SMCHD1: variants seen among roughly 807,000 people sequenced by gnomAD.
SMCHD1 encodes structural maintenance of chromosomes flexible hinge domain containing 1.
A neutral mutation model predicts 254.7 loss-of-function variants in SMCHD1; 78 were observed. The ratio of observed to expected loss-of-function variants is 0.31; its 90% CI spans 0.26 to 0.37. The LOEUF (loss-of-function observed/expected upper bound fraction) is 0.37. SMCHD1 is among the 10% of genes least tolerant of loss of function. The probability of loss-of-function intolerance (pLI) is 1.00; values close to 1 mark genes in which losing one functional copy is unlikely to be tolerated. For missense variants in SMCHD1, 1,840 were observed against 2,408.1 expected (o/e 0.76, Z 4.94); for synonymous variants, 766 against 794.9 (o/e 0.96, Z 0.61).
chr18:2,748,342 T>TTGTGTG (rs1199860810), intron 30 of SMCHD1, among the ~76,000 whole-genome samples: 1,079 of 78,290 alleles, frequency 0.014, 42 homozygotes, highest in African/African-American at 0.028. Context: ...CTTTGCAAAG[T>TTGTGTG]TGTGTGTGTG....
chr18:2,729,422 T>C lies in SMCHD1; in HGVS notation c.3048+13T>C, dbSNP rs200828139. On this transcript the variant is annotated intron_variant, in intron 24 of 47. Coordinates refer to ENST00000320876, the MANE Select transcript of SMCHD1 (RefSeq NM_015295.3). Reference sequence around the variant, plus strand: ...AATTGAAATACCTGTAAGTTATTATTGTTACTCATTGATATTATATTGAGT... The same window carrying C: ...AATTGAAATACCTGTAAGTTATTATCGTTACTCATTGATATTATATTGAGT... The C allele has an allele frequency of 6.7e-7, 1 of 1,494,304 alleles. No individual in the cohort carries two copies. The highest frequency in any genetic ancestry group is 2.6e-5 in the Admixed American group (1 of 38,294). 92.6% of individuals were successfully genotyped at this position (1,494,304 alleles called of 1,614,324 possible). A position where few individuals can be genotyped will look rare whatever the true frequency, so the allele number is the denominator to read the frequency against.
At chr18:2,762,722 A>G (rs1024251767) in intron 36 of SMCHD1, among the ~76,000 whole-genome samples, 1 of 151,964 alleles carries the variant, frequency 6.6e-6, no homozygotes, top group East Asian at 1.9e-4. Context: ...TCCTGACCTC[A>G]TGTTATCCTC....
intron 1 of SMCHD1, among the ~76,000 whole-genome samples, chr18:2,662,966 C>T (rs1350386466): frequency 6.6e-6 from 1 of 152,116 alleles, no homozygotes; most frequent in East Asian, 1.9e-4. Flanking sequence ...ACCTATTTCT[C>T]TGTACAGAGG....
At chr18:2,768,658 A>G (rs2075915944) in intron 37 of SMCHD1, among the ~76,000 whole-genome samples, 1 of 150,546 alleles carries the variant, frequency 6.6e-6, no homozygotes, top group African/African-American at 2.4e-5. Context: ...AGTATATAGT[A>G]TAGTATATAG....
At chr18:2,764,535 C>G (rs909230363) in intron 37 of SMCHD1, among the ~76,000 whole-genome samples, 1 of 152,138 alleles carries the variant, frequency 6.6e-6, no homozygotes, top group African/African-American at 2.4e-5. Flanking sequence ...TAGCTTTCTT[C>G]TATGTATAGT....
chr18:2,771,622 C>T lies in SMCHD1; in HGVS notation c.5052+4C>T, dbSNP rs775767403. The T allele has an allele frequency of 6.6e-7, 1 of 1,526,150 alleles. No individual in the cohort carries two copies. The highest frequency in any genetic ancestry group is 8.7e-7 in the Non-Finnish European group (1 of 1,147,306). The allele number at this position is 1,526,150 out of a possible 1,614,324, so 94.5% of individuals were successfully genotyped here. A position where few individuals can be genotyped will look rare whatever the true frequency, so the allele number is the denominator to read the frequency against. On this transcript the variant is annotated splice_donor_region_variant and intron_variant, in intron 40 of 47. Coordinates refer to ENST00000320876, the MANE Select transcript of SMCHD1 (RefSeq NM_015295.3). ...TGACATTCCTACAACACAACAGGTA[C>T]AGCTTCCAACTATACGTGAAAGATT... is the stretch of plus-strand genomic sequence containing the variant.
intron 2 of SMCHD1, among the ~76,000 whole-genome samples, chr18:2,666,553 C>T (rs1598283632): frequency 6.6e-6 from 1 of 152,144 alleles, no homozygotes; most frequent in East Asian, 1.9e-4. Context: ...CCAAGACCTG[C>T]TGGTTTTTCA....
At chr18:2,758,007 GAAA>G (rs1223915589) in intron 34 of SMCHD1, among the ~76,000 whole-genome samples, 1 of 152,028 alleles carries the variant, frequency 6.6e-6, no homozygotes, top group Non-Finnish European at 1.5e-5. Flanking sequence ...TGAATGACAT[GAAA>G]AAGCCACTTT....
At chr18:2,787,310 A>G (rs1380308973) in intron 45 of SMCHD1, among the ~76,000 whole-genome samples, 1 of 152,156 alleles carries the variant, frequency 6.6e-6, no homozygotes, top group Non-Finnish European at 1.5e-5. Flanking sequence ...TCATGACCCC[A>G]ACATTAGGCC....
intron 24 of SMCHD1, 39 bp from the exon 25 acceptor site, chr18:2,732,226 C>T (rs2075155060): frequency 4.0e-6 from 6 of 1,500,072 alleles, no homozygotes; most frequent in South Asian, 1.2e-5. Context: ...AATTTCAGTA[C>T]AGATATCACT....
In SMCHD1 at chr18:2,777,857, T is replaced by G. The variant is rs2076092846; in HGVS notation, c.5418T>G (p.Asp1806Glu). Residue 1806 changes from aspartate to glutamate, a missense_variant, in exon 43 of 48, where the codon GAT (aspartate) becomes GAG (glutamate). Physicochemically the swap from Asp to Glu is conservative, Grantham distance 45 (BLOSUM62 2). Around this residue, in one of 9 missense-constraint regions of SMCHD1, gnomAD observed 114 missense variants for 217.6 expected, o/e 0.52. Transcript: ENST00000320876. ...AATTGTATTTTAAACCCATTGGAGA[T>G]CCAGTCTTTGCTCGAGACTTGTTAA... ...NGKLYFKPIGDPVFARDLLTF... is the reference protein window; with the variant it reads ...NGKLYFKPIGEPVFARDLLTF... The G allele has an allele frequency of 6.4e-7, 1 of 1,552,264 alleles. No homozygotes were observed. Among genetic ancestry groups the G allele is most frequent in the Non-Finnish European group, 8.7e-7 (1 of 1,146,570 alleles).
chr18:2,684,700 A>AGTGTGTGTGTGTGTGTGT (rs71365193), intron 5 of SMCHD1, among the ~76,000 whole-genome samples: 9,409 of 115,044 alleles, frequency 0.082, 687 homozygotes, highest in East Asian at 0.12. Context: ...TTGCAGATTC[A>AGTGTGTGTGTGTGTGTGT]GTGTGTGTGT....
intron 45 of SMCHD1, among the ~76,000 whole-genome samples, chr18:2,786,128 C>G (rs2076236420): frequency 6.6e-6 from 1 of 152,002 alleles, no homozygotes; most frequent in Admixed American, 6.6e-5. Context: ...ATGTTTGTGC[C>G]TCAGCCACCC....
intron 41 of SMCHD1, among the ~76,000 whole-genome samples, chr18:2,775,313 GTATT>G (rs1436861431): frequency 1.8e-5 from 2 of 112,636 alleles, no homozygotes. Flanking sequence ...CTTATTAACT[GTATT>G]TATGTTTAAC....
intron 5 of SMCHD1, among the ~76,000 whole-genome samples, chr18:2,674,523 CTGT>C (rs1166015789): frequency 6.6e-6 from 1 of 152,184 alleles, no homozygotes; most frequent in East Asian, 1.9e-4. Context: ...GTGGAGCTCA[CTGT>C]TGCTCTACTT....
chr18:2,777,870 C>G lies in SMCHD1; in HGVS notation c.5431C>G (p.Arg1811Gly). The change falls in exon 43 of 48, where the codon CGA becomes GGA. Residue 1811 changes from arginine (R) to glycine (G), a missense_variant. Physicochemically the swap from Arg to Gly is moderately radical, Grantham distance 125. Coordinates refer to ENST00000320876, the MANE Select transcript of SMCHD1 (RefSeq NM_015295.3). ...ACCCATTGGAGATCCAGTCTTTGCTCGAGACTTGTTAACATTTCCAGATAA... is the reference window on the plus strand; with the variant it reads ...ACCCATTGGAGATCCAGTCTTTGCTGGAGACTTGTTAACATTTCCAGATAA... ...FKPIGDPVFA[R>G]DLLTFPDNVE... The G allele has an allele frequency of 6.4e-7, 1 of 1,550,844 alleles. No individual in the cohort carries two copies. The highest frequency in any genetic ancestry group is 8.7e-7 in the Non-Finnish European group (1 of 1,145,792).
intron 17 of SMCHD1, among the ~76,000 whole-genome samples, chr18:2,711,713 ACCTCGTGATCCGCCCG>A (rs1199701574): frequency 3.3e-5 from 5 of 150,492 alleles, no homozygotes; most frequent in Admixed American, 2.0e-4. Context: ...CGATCTCCTG[ACCTCGTGATCCGCCCG>A]CCTCGGCCTC....
At chr18:2,731,316 A>T (rs912032090) in intron 24 of SMCHD1, among the ~76,000 whole-genome samples, 1 of 152,212 alleles carries the variant, frequency 6.6e-6, no homozygotes, top group African/African-American at 2.4e-5. Flanking sequence ...AATGGACTAT[A>T]ACTAGATTAT....
intron 45 of SMCHD1, among the ~76,000 whole-genome samples, chr18:2,786,641 G>A (rs753804903): frequency 9.2e-5 from 14 of 152,082 alleles, no homozygotes; most frequent in Admixed American, 6.6e-4. Flanking sequence ...GCAGTGAGCC[G>A]AGATTGTGCC....
Sources: allele counts gnomAD v4.1 joint callset (sites outside exome capture counted in the v4.1 genomes callset), GRCh38; gene constraint gnomAD v4.1.1; regional missense constraint gnomAD v4.1.1; transcripts MANE v1.5; gene names NCBI Gene and HGNC (gene_info 2026-07-23, HGNC 2026-07-21).